NUP210: variants seen among roughly 807,000 people sequenced by gnomAD.
NUP210 encodes the protein nuclear pore membrane glycoprotein 210.
Under a neutral mutation model 196.0 loss-of-function variants are expected in NUP210, and 151 were observed. The observed-to-expected ratio is 0.77, with a 90% CI of 0.67 to 0.88. NUP210 has a LOEUF of 0.88. Ranked by LOEUF, NUP210 falls within the 40% of genes least tolerant of loss-of-function variation. The probability of loss-of-function intolerance (pLI) is 0.00; values close to 1 mark genes in which losing one functional copy is unlikely to be tolerated. For missense variants in NUP210, 2,314 were observed against 2,493.7 expected (o/e 0.93, Z 1.53); for synonymous variants, 1,070 against 1,052.7 (o/e 1.02, Z -0.32).
rs767637184 is a variant in NUP210, at chr3:13,335,450, C to T, written c.3843+4G>A. The T allele has an allele frequency of 2.5e-6, 4 of 1,611,052 alleles. No individual in the cohort carries two copies. In the East Asian group the frequency reaches 8.9e-5, roughly 36 times the overall value. ...TCCCTGTGGCCTTTCCACCTGCCTC[C>T]TACCTGGACTTGGATCTCATCCGAG... On this transcript the variant is annotated splice_donor_region_variant and intron_variant, in intron 28 of 39. Transcript: ENST00000254508.
rs527709411 is a variant in NUP210 at position 13,343,820 on chromosome 3, G to A, written c.2836-517C>T. Among the ~76,000 whole-genome samples, 16 of 152,234 alleles carry A rather than the reference G, an allele frequency of 1.1e-4. No individual in the cohort carries two copies. In the South Asian group the frequency reaches 1.7e-3, roughly 16 times the overall value. On this transcript the variant is annotated intron_variant, in intron 20 of 39. Coordinates refer to ENST00000254508, the MANE Select transcript of NUP210 (RefSeq NM_024923.4). ...GAAAACGAGGCAGATGCTTTCCCAC[G>A]GCAGCTTGCACAGGAAGTCCCAATC... is the stretch of plus-strand genomic sequence containing the variant.
At position 13,348,721 on chromosome 3, in the gene NUP210, G is replaced by GGGCGAA. The variant is rs1295011398; in HGVS notation, c.2835+3157_2835+3158insTTCGCC. Reference sequence around the variant, plus strand: ...CCACAAGCATGTCCCCAGCTGCTGAGGGCGTCCTGCCATCCAAGGGTCTGC... The same window carrying GGGCGAA: ...CCACAAGCATGTCCCCAGCTGCTGAGGGCGAAGGCGTCCTGCCATCCAAGGGTCTGC... On this transcript the variant is annotated intron_variant, in intron 20 of 39. Coordinates refer to ENST00000254508, the MANE Select transcript of NUP210 (RefSeq NM_024923.4). This position sits in a 1 kb window ranked among gnomAD's most constrained non-coding sequence, Gnocchi z 4.0. 8 of 985,234 alleles carry GGGCGAA rather than the reference G, an allele frequency of 8.1e-6. No individual in the cohort carries two copies. In the African/African-American group the frequency reaches 1.2e-4, roughly 15 times the overall value. 61.0% of individuals were successfully genotyped at this position (985,234 alleles called of 1,614,324 possible).
At chr3:13,339,592 C>T (rs1337209716) in intron 25 of NUP210, among the ~76,000 whole-genome samples, 1 of 152,218 alleles carries the variant, frequency 6.6e-6, no homozygotes, top group Non-Finnish European at 1.5e-5. Context: ...CCTTTGGGGC[C>T]GGGAGTTGCT....
intron 30 of NUP210, 130 bp downstream of exon 30, chr3:13,330,330 G>C (rs535531864): frequency 2.6e-5 from 22 of 848,114 alleles, no homozygotes; most frequent in Non-Finnish European, 4.0e-5. Context: ...CTTTGCCCCT[G>C]AGTTACTCTA....
intron 1 of NUP210, among the ~76,000 whole-genome samples, chr3:13,411,688 G>A (rs1700178834): frequency 6.6e-6 from 1 of 152,112 alleles, no homozygotes; most frequent in African/African-American, 2.4e-5. Context: ...GCTCCTCTTG[G>A]TTGGACACCT....
rs1447288739 is a variant in NUP210 at position 13,323,707 on chromosome 3, C to T, written c.4645-275G>A. ...GAGCAGCGGGCCTGAATTCATTAAT[C>T]GATCTGGGTGGGCTGAGGATTTTGG... is the stretch of plus-strand genomic sequence containing the variant. On this transcript the variant is annotated intron_variant, in intron 33 of 39. Transcript: ENST00000254508. The surrounding 1 kb of genome is among the most constrained non-coding windows in gnomAD (Gnocchi z 4.3). Among the ~76,000 whole-genome samples the T allele has an allele frequency of 3.9e-5, 6 of 152,218 alleles. No individual in the cohort carries two copies. Among genetic ancestry groups the T allele is most frequent in the South Asian group, 4.1e-4 (2 of 4,834 alleles).
intron 4 of NUP210, among the ~76,000 whole-genome samples, chr3:13,388,961 T>C (rs1227939004): frequency 6.6e-6 from 1 of 152,208 alleles, no homozygotes; most frequent in Non-Finnish European, 1.5e-5. Flanking sequence ...CGGCACCATG[T>C]CTCACTCTCC....
intron 32 of NUP210, among the ~76,000 whole-genome samples, chr3:13,326,707 C>T (rs970540312): frequency 2.6e-5 from 4 of 152,222 alleles, no homozygotes; most frequent in East Asian, 1.9e-4. Flanking sequence ...TCCACTATGG[C>T]GGCCACTTCC....
At chr3:13,346,588 T>G (rs1576367990) in intron 20 of NUP210, among the ~76,000 whole-genome samples, 1 of 152,202 alleles carries the variant, frequency 6.6e-6, no homozygotes, top group Admixed American at 6.5e-5. Flanking sequence ...GCTCTGTGCA[T>G]GTGGGGGCTG....
intron 8 of NUP210, among the ~76,000 whole-genome samples, chr3:13,378,619 T>C (rs896879850): frequency 2.0e-5 from 3 of 152,158 alleles, no homozygotes; most frequent in Non-Finnish European, 4.4e-5. Context: ...AATGGTCAGG[T>C]CTGGGCAAAG....
Position 13,379,772 on chromosome 3 carries a change from A to C in NUP210, c.818-51T>G. On this transcript the variant is annotated intron_variant, in intron 6 of 39. Coordinates refer to ENST00000254508, the MANE Select transcript of NUP210 (RefSeq NM_024923.4). This position sits in a 1 kb window ranked among gnomAD's most constrained non-coding sequence, Gnocchi z 4.2. ...CAGGGAAAGAGAGAGCAAAGACAGGAAATGTTAGAAGCCAATACACTCCCA... is the reference window on the plus strand; with the variant it reads ...CAGGGAAAGAGAGAGCAAAGACAGGCAATGTTAGAAGCCAATACACTCCCA... 6.7e-7 allele frequency: 1 copy of C among 1,496,916 alleles called. No individual in the cohort carries two copies. The highest frequency in any genetic ancestry group is 1.8e-4 in the Middle Eastern group (1 of 5,574). 92.7% of individuals were successfully genotyped at this position (1,496,916 alleles called of 1,614,324 possible).
intron 10 of NUP210, among the ~76,000 whole-genome samples, chr3:13,375,893 C>G (rs774777591): frequency 9.2e-5 from 14 of 152,070 alleles, no homozygotes; most frequent in Admixed American, 9.2e-4. Flanking sequence ...GGTGTCCCCC[C>G]CAACTTTACA....
intron 3 of NUP210, among the ~76,000 whole-genome samples, chr3:13,392,282 GA>G (rs1374215919): frequency 6.6e-6 from 1 of 152,204 alleles, no homozygotes; most frequent in Non-Finnish European, 1.5e-5. Flanking sequence ...AGAAGCTCCA[GA>G]AAACTCTGCT....
chr3:13,380,061 G>A (rs1699052024), intron 6 of NUP210, among the ~76,000 whole-genome samples: 1 of 152,048 alleles, frequency 6.6e-6, no homozygotes, highest in Non-Finnish European at 1.5e-5. Flanking sequence ...ACGTAGAGGG[G>A]GCACTGGGGT....
chr3:13,345,029 C>G, intron 20 of NUP210: 1 of 985,460 alleles, frequency 1.0e-6, no homozygotes, highest in South Asian at 4.7e-5. Flanking sequence ...GCCTTCCCCT[C>G]CAGGCTGTCC....
chr3:13,338,023 G>A (rs1019255635), intron 25 of NUP210, 106 bp from the exon 26 acceptor site: 16 of 1,020,012 alleles, frequency 1.6e-5, no homozygotes, highest in East Asian at 2.6e-5. Flanking sequence ...AGTCTGTGGC[G>A]AGAAGGCCCC....
In NUP210 at chr3:13,397,470, C is replaced by T. The variant is rs200406823; in HGVS notation, c.323G>A (p.Arg108His). 47 of 1,608,144 alleles carry T rather than the reference C, an allele frequency of 2.9e-5. 1 individual carries two copies. Among genetic ancestry groups the T allele is most frequent in the East Asian group, 9.1e-5 (4 of 44,156 alleles). Residue 108 changes from arginine (R) to histidine (H), a missense_variant, in exon 3 of 40, where the codon CGC becomes CAC. Transcript: ENST00000254508. ...AEDITTGQVLRCDAIVDLIHD... is the reference protein window; with the variant it reads ...AEDITTGQVLHCDAIVDLIHD... ...GATGAGGTCCACAATGGCATCACAG[C>T]GCAGGACCTGGCCTGTGGCTGGAGG...
rs1025734834 is a variant in NUP210, at chr3:13,379,312, G to A, written c.976+251C>T. ...CTCTGAGAAGGCTGCAGGTACTGGA[G>A]AAGTTTCTGGAGACGAGGAACGACA... On this transcript the variant is annotated intron_variant, in intron 7 of 39. Transcript: ENST00000254508. This position sits in a 1 kb window ranked among gnomAD's most constrained non-coding sequence, Gnocchi z 4.2. Among the ~76,000 whole-genome samples the A allele has an allele frequency of 6.6e-6, 1 of 152,158 alleles. No homozygotes were observed. The highest frequency in any genetic ancestry group is 6.5e-5 in the Admixed American group (1 of 15,274).
At position 13,332,339 on chromosome 3, in the gene NUP210, G is replaced by T. The variant is rs774841220; in HGVS notation, c.3889C>A (p.Gln1297Lys). 1.2e-6 allele frequency: 2 copies of T among 1,613,768 alleles called. No homozygotes were observed. The highest frequency in any genetic ancestry group is 1.7e-5 in the Admixed American group (1 of 59,996). The change falls in exon 29 of 40, where the codon CAA becomes AAA. Residue 1297 changes from glutamine to lysine, a missense_variant. Transcript: ENST00000254508. ...QLLNPEIEAEQILMSPNSYIK... is the reference protein window; with the variant it reads ...QLLNPEIEAEKILMSPNSYIK... ...TATGAGTTGGGCGACATTAATATTT[G>T]TTCTGCTTCTATTTCAGGGTTGAGC...
Sources: gnomAD v4.1 joint callset for allele counts (sites outside exome capture counted in the v4.1 genomes callset) on GRCh38, gnomAD v4.1.1 for gene constraint, Gnocchi (gnomAD v3.1) non-coding constraint, MANE v1.5 for transcripts, NCBI Gene and HGNC (gene_info 2026-07-23, HGNC 2026-07-21) for gene names.